The following SMYD3 variants were observed in gnomAD, a reference collection of about 807,000 sequenced individuals.
SMYD3 encodes histone-lysine N-methyltransferase SMYD3.
SMYD3 carries 36 observed loss-of-function variants against 57.7 expected under a neutral mutation model. The observed-to-expected ratio is 0.62, with a 90% CI of 0.48 to 0.82. The LOEUF (loss-of-function observed/expected upper bound fraction) is 0.82, where lower values mean the gene tolerates loss of function less well. Among genes scored for constraint, SMYD3 ranks in the 40% least tolerant of loss-of-function variants. The pLI is 0.00. For missense variants in SMYD3, 515 were observed against 538.8 expected, an observed-to-expected ratio of 0.96 and a Z score of 0.44; for synonymous variants, 211 against 195.0, an observed-to-expected ratio of 1.08 and a Z score of -0.68.
chr1:245,969,478 T>C (rs189569640), intron 5 of SMYD3, among the ~76,000 whole-genome samples: 31 of 152,366 alleles, frequency 2.0e-4, no homozygotes, highest in Admixed American at 4.6e-4. Flanking sequence ...GGTATTTGTC[T>C]GACCCTGTTT....
At chr1:246,458,516 G>A (rs1376830799) in intron 1 of SMYD3, among the ~76,000 whole-genome samples, 5 of 143,104 alleles carry the variant, frequency 3.5e-5, no homozygotes, top group African/African-American at 1.1e-4. Context: ...GTGCGATCTC[G>A]GCTCACTGCA....
intron 1 of SMYD3, among the ~76,000 whole-genome samples, chr1:246,458,789 A>G (rs77994656): frequency 1.3e-5 from 2 of 151,978 alleles, no homozygotes; most frequent in Non-Finnish European, 2.9e-5. Flanking sequence ...TAAATACAGT[A>G]CATTATATCC....
intron 8 of SMYD3, 132 bp from the exon 9 acceptor site, chr1:245,864,018 G>A: frequency 1.3e-6 from 1 of 754,568 alleles, no homozygotes; most frequent in Non-Finnish European, 2.2e-6. Flanking sequence ...TATCATCAGG[G>A]AAATATATAA....
intron 1 of SMYD3, among the ~76,000 whole-genome samples, chr1:246,441,113 T>A (rs970715649): frequency 6.6e-6 from 1 of 152,164 alleles, no homozygotes; most frequent in Admixed American, 6.5e-5. Flanking sequence ...TACACGCACA[T>A]TCCAGACACA....
chr1:246,303,084 A>G (rs1250816981), intron 5 of SMYD3, among the ~76,000 whole-genome samples: 1 of 152,232 alleles, frequency 6.6e-6, no homozygotes, highest in Non-Finnish European at 1.5e-5. Context: ...ATAGCTGAAG[A>G]GCAGACAGAG....
At chr1:245,778,491 G>A (rs2046695748) in intron 10 of SMYD3, among the ~76,000 whole-genome samples, 1 of 152,114 alleles carries the variant, frequency 6.6e-6, no homozygotes, top group Non-Finnish European at 1.5e-5. Flanking sequence ...CCATCCCAGT[G>A]GGTGTGAAGT....
intron 5 of SMYD3, among the ~76,000 whole-genome samples, chr1:246,136,057 A>T (rs1443331555): frequency 6.6e-6 from 1 of 152,186 alleles, no homozygotes; most frequent in Admixed American, 6.5e-5. Flanking sequence ...TCAGAGAGTT[A>T]TTGGTACTGT....
chr1:245,869,138 G>A (rs189362344), intron 8 of SMYD3, among the ~76,000 whole-genome samples: 21 of 152,118 alleles, frequency 1.4e-4, no homozygotes, highest in Non-Finnish European at 1.5e-5. Context: ...CACATAAAAG[G>A]AGCTTGAATG....
At chr1:246,404,833 GC>G (rs2066834034) in intron 1 of SMYD3, among the ~76,000 whole-genome samples, 1 of 152,180 alleles carries the variant, frequency 6.6e-6, no homozygotes, top group Admixed American at 6.5e-5. Flanking sequence ...ATTGGACAGA[GC>G]AAGTATAAAA....
At chr1:245,896,389 CA>C (rs3052904) in intron 8 of SMYD3, among the ~76,000 whole-genome samples, 15 of 73,722 alleles carry the variant, frequency 2.0e-4, no homozygotes, top group African/African-American at 8.3e-4. Context: ...TTTGCCAAGT[CA>C]AAAAAAAAAA....
intron 11 of SMYD3, among the ~76,000 whole-genome samples, chr1:245,759,146 T>G (rs548767026): frequency 2.0e-5 from 3 of 152,354 alleles, no homozygotes; most frequent in Middle Eastern, 3.4e-3. Context: ...TTCTTATCTT[T>G]TCTCTTTTTT....
At chr1:246,045,428 T>C (rs1572938038) in intron 5 of SMYD3, among the ~76,000 whole-genome samples, 2 of 152,110 alleles carry the variant, frequency 1.3e-5, no homozygotes, top group African/African-American at 2.4e-5. Flanking sequence ...TGGCTAGCCA[T>C]ATGTAGAAAG....
chr1:246,247,444 A>ACTCTCT (rs143476169), intron 5 of SMYD3, among the ~76,000 whole-genome samples: 3 of 142,842 alleles, frequency 2.1e-5, no homozygotes, highest in South Asian at 2.3e-4. Flanking sequence ...GAGAAGGATA[A>ACTCTCT]CTCTCTCTCT....
At chr1:246,010,729 A>C (rs1022717314) in intron 5 of SMYD3, among the ~76,000 whole-genome samples, 6 of 152,268 alleles carry the variant, frequency 3.9e-5, no homozygotes, top group African/African-American at 1.4e-4. Context: ...AGAGGGCTAA[A>C]ATAATTGTTC....
intron 5 of SMYD3, among the ~76,000 whole-genome samples, chr1:245,979,547 C>T (rs1310422550): frequency 6.6e-6 from 1 of 152,092 alleles, no homozygotes; most frequent in Non-Finnish European, 1.5e-5. Context: ...GATGCAGGTA[C>T]AAGCAGGGAA....
At chr1:245,831,590 G>A (rs11806942) in intron 10 of SMYD3, among the ~76,000 whole-genome samples, 79,846 of 152,136 alleles carry the variant, frequency 0.52, 25,040 homozygotes, top group Non-Finnish European at 0.71. Context: ...AAAGGTTGTC[G>A]ATGTTTGGAC....
At chr1:246,095,890 C>A (rs952492351) in intron 5 of SMYD3, among the ~76,000 whole-genome samples, 13 of 152,102 alleles carry the variant, frequency 8.5e-5, no homozygotes, top group African/African-American at 3.1e-4. Flanking sequence ...AATACAAGAA[C>A]AGTAAATAAA....
At position 245,867,448 on chromosome 1, in the gene SMYD3, A is replaced by G. The variant is rs373957980; in HGVS notation, c.814-3562T>C. Among the ~76,000 whole-genome samples the G allele has an allele frequency of 1.5e-3, 231 of 152,240 alleles. 1 individual carries two copies. Among genetic ancestry groups the G allele is most frequent in the African/African-American group, 5.3e-3 (222 of 41,546 alleles). ...TAACATACCTTCTGCTCCTCTGGCC[A>G]CTGGGGCTCTTTGTGCCTGGCCCTC... On this transcript the variant is annotated intron_variant, in intron 8 of 11. Transcript: ENST00000490107.
intron 5 of SMYD3, among the ~76,000 whole-genome samples, chr1:245,966,091 G>A (rs1268775178): frequency 6.6e-6 from 1 of 152,056 alleles, no homozygotes; most frequent in Non-Finnish European, 1.5e-5. Context: ...ACACAACTAA[G>A]CCTTGATAAA....
Sources: allele counts gnomAD v4.1 joint callset (sites outside exome capture counted in the v4.1 genomes callset), GRCh38; gene constraint gnomAD v4.1.1; transcripts MANE v1.5; gene names NCBI Gene and HGNC (gene_info 2026-07-23, HGNC 2026-07-21).